The following NYAP2 variants were observed in gnomAD, a reference collection of about 807,000 sequenced individuals.
NYAP2 encodes the protein neuronal tyrosine-phosphorylated phosphoinositide-3-kinase adapter 2.
NYAP2 carries 23 observed loss-of-function variants against 50.4 expected under a neutral mutation model. That is an observed-to-expected ratio of 0.46 (90% CI 0.33 to 0.65). NYAP2 has a LOEUF of 0.65. Among genes scored for constraint, NYAP2 ranks in the 30% least tolerant of loss-of-function variants. The pLI, the probability that NYAP2 is intolerant of heterozygous loss-of-function variation, is 0.02. For synonymous variants in NYAP2, 394 were observed against 365.2 expected (o/e 1.08, Z -0.90); for missense variants, 885 against 861.0 (o/e 1.03, Z -0.35).
chr2:225,580,929 A>G (rs1468791746), intron 4 of NYAP2, among the ~76,000 whole-genome samples: 2 of 152,218 alleles, frequency 1.3e-5, no homozygotes, highest in Non-Finnish European at 2.9e-5. Flanking sequence ...TTGCATAATA[A>G]AGATGATCAC....
chr2:225,517,835 G>T (rs1298940880), intron 4 of NYAP2, among the ~76,000 whole-genome samples: 5 of 152,136 alleles, frequency 3.3e-5, no homozygotes, highest in African/African-American at 1.2e-4. Flanking sequence ...AAACATGAAA[G>T]ATAAGCACTA....
chr2:225,636,932 A>G (rs971534189), intron 6 of NYAP2, among the ~76,000 whole-genome samples: 3 of 152,186 alleles, frequency 2.0e-5, no homozygotes, highest in Admixed American at 6.5e-5. Context: ...GAGACCAGAA[A>G]AATCACCCAG....
intron 5 of NYAP2, among the ~76,000 whole-genome samples, chr2:225,584,767 C>CTAAG (rs1692361394): frequency 6.6e-6 from 1 of 152,062 alleles, no homozygotes; most frequent in South Asian, 2.1e-4. Flanking sequence ...TTTTAATTAC[C>CTAAG]TAAGTGAAAG....
intron 3 of NYAP2, among the ~76,000 whole-genome samples, chr2:225,473,584 T>C (rs1426535364): frequency 4.6e-5 from 7 of 152,266 alleles, no homozygotes; most frequent in Non-Finnish European, 2.9e-5. Context: ...TTTTCATATG[T>C]CTGTTGCCTG....
intron 3 of NYAP2, among the ~76,000 whole-genome samples, chr2:225,461,354 T>C (rs1689828798): frequency 6.6e-6 from 1 of 152,240 alleles, no homozygotes; most frequent in Non-Finnish European, 1.5e-5. Context: ...CATACATCTT[T>C]TCTCATTGTG....
At chr2:225,452,620 G>T (rs1261880709) in intron 3 of NYAP2, among the ~76,000 whole-genome samples, 1 of 152,038 alleles carries the variant, frequency 6.6e-6, no homozygotes, top group Non-Finnish European at 1.5e-5. Flanking sequence ...AGACAATTGC[G>T]GTTTCCCACT....
At chr2:225,419,038 C>T (rs1206916035) in intron 3 of NYAP2, among the ~76,000 whole-genome samples, 2 of 152,166 alleles carry the variant, frequency 1.3e-5, no homozygotes, top group Non-Finnish European at 2.9e-5. Context: ...AGGGCAAGTG[C>T]CCAGATTAAC....
intron 4 of NYAP2, among the ~76,000 whole-genome samples, chr2:225,529,651 C>T (rs1431373182): frequency 6.7e-6 from 1 of 149,922 alleles, no homozygotes; most frequent in East Asian, 2.0e-4. Flanking sequence ...TAAGCATGTT[C>T]CCTGGGAGAT....
intron 4 of NYAP2, among the ~76,000 whole-genome samples, chr2:225,519,531 T>C (rs1691009173): frequency 6.6e-6 from 1 of 151,244 alleles, no homozygotes; most frequent in Non-Finnish European, 1.5e-5. Flanking sequence ...GTTTGGTTTT[T>C]TGTTCTTGCG....
intron 4 of NYAP2, among the ~76,000 whole-genome samples, chr2:225,551,218 C>A (rs116852616): frequency 6.6e-6 from 1 of 152,286 alleles, no homozygotes; most frequent in East Asian, 1.9e-4. Flanking sequence ...GTCTCTTCCA[C>A]GTCCACTCTG....
intron 6 of NYAP2, among the ~76,000 whole-genome samples, chr2:225,632,237 G>C (rs748625410): frequency 3.9e-5 from 6 of 152,204 alleles, no homozygotes; most frequent in Non-Finnish European, 7.3e-5. Flanking sequence ...CAATGAGTCA[G>C]TATTAACTGT....
At chr2:225,429,687 T>C (rs1695338336) in intron 3 of NYAP2, among the ~76,000 whole-genome samples, 1 of 152,248 alleles carries the variant, frequency 6.6e-6, no homozygotes, top group African/African-American at 2.4e-5. Flanking sequence ...ATGATAGATA[T>C]AGCACATATG....
chr2:225,694,637 CTA>C, the NYAP2 span, among the ~76,000 whole-genome samples: 2 of 151,586 alleles, frequency 1.3e-5, no homozygotes, highest in African/African-American at 4.8e-5. Flanking sequence ...TAATTATATT[CTA>C]TGTTTATTTA....
At chr2:225,656,433 CT>C (rs1257372549), downstream of NYAP2, among the ~76,000 whole-genome samples, 8 of 152,296 alleles carry the variant, frequency 5.3e-5, no homozygotes, top group African/African-American at 1.7e-4. Flanking sequence ...TAGCAGCCCC[CT>C]GGCCTCTCAC....
chr2:225,627,030 C>A, exon 6 of NYAP2: 1 of 1,596,010 alleles, frequency 6.3e-7, no homozygotes, highest in East Asian at 2.3e-5. Context: ...TGTCAAAGCT[C>A]AGGAATGGGA....
chr2:225,651,670 G>A (rs561652752), exon 7 of NYAP2: 2 of 1,147,182 alleles, frequency 1.7e-6, no homozygotes, highest in African/African-American at 1.6e-5. Flanking sequence ...ATGGGTTAGG[G>A]GATGCGGGGG....
chr2:225,671,556 T>G, the NYAP2 span, among the ~76,000 whole-genome samples: 1 of 152,134 alleles, frequency 6.6e-6, no homozygotes, highest in South Asian at 2.1e-4. Context: ...ATCCAAAAGG[T>G]TGAGATCAAC....
At chr2:225,525,116 A>C (rs1327849012) in intron 4 of NYAP2, among the ~76,000 whole-genome samples, 1 of 152,228 alleles carries the variant, frequency 6.6e-6, no homozygotes, top group African/African-American at 2.4e-5. Context: ...AAAAGGGAAC[A>C]TTATACACTG....
chr2:225,498,860 G>C (rs1690551951), intron 3 of NYAP2, among the ~76,000 whole-genome samples: 1 of 152,168 alleles, frequency 6.6e-6, no homozygotes, highest in Admixed American at 6.6e-5. Context: ...AGAGGGAAAA[G>C]GGAGATGGCA....
Sources: gnomAD v4.1 joint callset for allele counts (sites outside exome capture counted in the v4.1 genomes callset) on GRCh38, gnomAD v4.1.1 for gene constraint, MANE v1.5 for transcripts, NCBI Gene and HGNC (gene_info 2026-07-23, HGNC 2026-07-21) for gene names.